Variants in OCA2 observed in about 807,000 individuals in gnomAD.
OCA2 encodes the protein P protein.
In OCA2, 77 loss-of-function variants were observed where a neutral mutation model predicts 100.2. The ratio of observed to expected loss-of-function variants is 0.77; its 90% CI spans 0.64 to 0.93. The LOEUF (loss-of-function observed/expected upper bound fraction) is 0.93, where lower values mean the gene tolerates loss of function less well. Ranked by LOEUF, OCA2 falls within the 40% of genes least tolerant of loss-of-function variation. The pLI, the probability that OCA2 is intolerant of heterozygous loss-of-function variation, is 0.00. For synonymous variants in OCA2, 432 were observed against 439.2 expected (o/e 0.98, Z 0.21); for missense variants, 1,062 against 1,089.1 (o/e 0.98, Z 0.35).
chr15:27,720,910 G>A, the OCA2 span, among the ~76,000 whole-genome samples: 6 of 152,066 alleles, frequency 3.9e-5, no homozygotes, highest in South Asian at 2.1e-4. Context: ...AGGAGCATGC[G>A]AATCCTGAGG....
intron 2 of OCA2, among the ~76,000 whole-genome samples, chr15:28,068,073 A>G (rs150099691): frequency 6.6e-6 from 1 of 152,274 alleles, no homozygotes; most frequent in East Asian, 1.9e-4. Flanking sequence ...TATCCTTACT[A>G]TGTTATGCCC....
At chr15:27,914,485 A>C (rs1266398910) in intron 19 of OCA2, among the ~76,000 whole-genome samples, 1 of 152,004 alleles carries the variant, frequency 6.6e-6, no homozygotes, top group Non-Finnish European at 1.5e-5. Flanking sequence ...CCCAAAAGCT[A>C]CTTCAGCAGA....
In OCA2 at chr15:27,875,894, A is replaced by G. The variant is rs533172303; in HGVS notation, c.2080-3972T>C. ...TCTGACCTTGCTAAATTTATATATT[A>G]GTGCTGGTAGTACTGGATTTTTTGT... On this transcript the variant is annotated intron_variant, in intron 19 of 23. Transcript: ENST00000354638. Among the ~76,000 whole-genome samples the G allele has an allele frequency of 4.6e-5, 7 of 152,180 alleles. No individual in the cohort carries two copies. The South Asian group carries it at 1.2e-3, about 27-fold the overall frequency.
At chr15:28,056,085 C>T (rs550277519) in intron 2 of OCA2, among the ~76,000 whole-genome samples, 1 of 152,038 alleles carries the variant, frequency 6.6e-6, no homozygotes, top group African/African-American at 2.4e-5. Context: ...AGCCTCGTGG[C>T]CCTGGGCTCT....
At chr15:27,793,492 T>G (rs1361692321) in intron 23 of OCA2, among the ~76,000 whole-genome samples, 1 of 151,884 alleles carries the variant, frequency 6.6e-6, no homozygotes, top group Non-Finnish European at 1.5e-5. Flanking sequence ...AAAAGAAAAA[T>G]GGTGATTCTT....
At chr15:27,796,414 A>G (rs1264300685) in intron 23 of OCA2, among the ~76,000 whole-genome samples, 1 of 152,256 alleles carries the variant, frequency 6.6e-6, no homozygotes, top group Non-Finnish European at 1.5e-5. Flanking sequence ...CAGGATGCCC[A>G]GGAGACCTGC....
At chr15:28,082,671 G>A (rs1156426807) in intron 1 of OCA2, among the ~76,000 whole-genome samples, 1 of 152,180 alleles carries the variant, frequency 6.6e-6, no homozygotes, top group Admixed American at 6.5e-5. Context: ...AAATAAATAT[G>A]TATAAATTAC....
At chr15:28,036,818 G>A (rs1595863088) in intron 2 of OCA2, among the ~76,000 whole-genome samples, 1 of 152,300 alleles carries the variant, frequency 6.6e-6, no homozygotes, top group East Asian at 1.9e-4. Flanking sequence ...ACAGCTTGGG[G>A]AGGTGGTGAT....
chr15:27,996,137 G>A (rs2041719988), intron 9 of OCA2, among the ~76,000 whole-genome samples: 1 of 152,068 alleles, frequency 6.6e-6, no homozygotes, highest in African/African-American at 2.4e-5. Context: ...CAACCAATGT[G>A]TCATAAAAGA....
chr15:28,081,149 G>A (rs956721092), intron 2 of OCA2, among the ~76,000 whole-genome samples: 2 of 152,114 alleles, frequency 1.3e-5, no homozygotes, highest in East Asian at 1.9e-4. Context: ...CTGACTACCC[G>A]GGTGATCAGT....
chr15:27,745,487 C>T, the OCA2 span, among the ~76,000 whole-genome samples: 1 of 152,132 alleles, frequency 6.6e-6, no homozygotes, highest in African/African-American at 2.4e-5. Context: ...AAACCTCTAG[C>T]GGCTAGAAAT....
In OCA2 at chr15:27,913,883, G is replaced by GAAAGAA. The variant is rs1567098170; in HGVS notation, c.2079+12238_2079+12243dup. ...AGAAAGAAAGAAAGAAAGAAAGAAA[G>GAAAGAA]AAAGAAAGAAAGCAAGCAAGCAAGC... On this transcript the variant is annotated intron_variant, in intron 19 of 23. Coordinates refer to ENST00000354638, the MANE Select transcript of OCA2 (RefSeq NM_000275.3). Among the ~76,000 whole-genome samples the GAAAGAA allele has an allele frequency of 8.7e-4, 46 of 52,694 alleles. 1 individual carries two copies. Among genetic ancestry groups the GAAAGAA allele is most frequent in the East Asian group, 3.3e-3 (1 of 304 alleles). The allele number at this position is 52,694 out of a possible 152,430, so 34.6% of individuals were successfully genotyped here.
chr15:27,775,416 G>A (rs1651018378), intron 23 of OCA2, among the ~76,000 whole-genome samples: 1 of 152,140 alleles, frequency 6.6e-6, no homozygotes, highest in Admixed American at 6.5e-5. Flanking sequence ...TATGGAGATG[G>A]TATTAAAATC....
rs1186490350 is a variant in OCA2, at chr15:27,951,864, G to A, written c.1871C>T (p.Ala624Val). The change falls in exon 18 of 24, where the codon GCC (alanine) becomes GTC (valine). Residue 624 changes from alanine (A) to valine (V), a missense_variant. Transcript: ENST00000354638. ...AAATCCCAACACTGTCAGGCATTTG[G>A]CGAGCAGAATCCCGTCAGATATCCT... ...KHRISDGILL[A>V]KCLTVLGFVI... 1.9e-6 allele frequency: 3 copies of A among 1,613,856 alleles called. No homozygotes were observed. Among genetic ancestry groups the A allele is most frequent in the South Asian group, 2.2e-5 (2 of 91,062 alleles).
intron 1 of OCA2, among the ~76,000 whole-genome samples, chr15:28,082,423 G>C (rs562168286): frequency 1.3e-5 from 2 of 152,314 alleles, no homozygotes; most frequent in African/African-American, 4.8e-5. Flanking sequence ...GGGAAGGTCT[G>C]CAGCATCATT....
chr15:27,859,493 A>G (rs2036055917), intron 21 of OCA2, among the ~76,000 whole-genome samples: 1 of 152,234 alleles, frequency 6.6e-6, no homozygotes, highest in South Asian at 2.1e-4. Flanking sequence ...ATATTTGATT[A>G]GATCTGTAAC....
rs750047317 is a variant in OCA2, at chr15:27,951,829, T to A, written c.1906A>T (p.Met636Leu). 1 of 1,613,718 alleles carries A rather than the reference T, an allele frequency of 6.2e-7. No individual in the cohort carries two copies. The highest frequency in any genetic ancestry group is 8.5e-7 in the Non-Finnish European group (1 of 1,179,864). ...GGGACAAACGAATTGAGGAAAAACATGAAGATAACAAATCCCAACACTGTC... is the reference window on the plus strand; with the variant it reads ...GGGACAAACGAATTGAGGAAAAACAAGAAGATAACAAATCCCAACACTGTC... ...CLTVLGFVIFMFFLNSFVPGI... is the reference protein window; with the variant it reads ...CLTVLGFVIFLFFLNSFVPGI... Residue 636 changes from methionine to leucine, a missense_variant, in exon 18 of 24, where the codon ATG (methionine) becomes TTG (leucine). By Grantham distance (15) the Met-to-Leu change is conservative. Coordinates refer to ENST00000354638, the MANE Select transcript of OCA2 (RefSeq NM_000275.3).
At chr15:27,835,788 G>A (rs147259494) in intron 23 of OCA2, among the ~76,000 whole-genome samples, 1 of 152,282 alleles carries the variant, frequency 6.6e-6, no homozygotes. Flanking sequence ...ACAGTGTGCT[G>A]GGTCGATCTT....
intron 2 of OCA2, among the ~76,000 whole-genome samples, chr15:28,077,060 GTT>G (rs1020481789): frequency 1.2e-4 from 16 of 131,062 alleles, no homozygotes; most frequent in Non-Finnish European, 1.3e-4. Context: ...TGCTTAATTT[GTT>G]TTTTTTTTTT....
Sources: gnomAD v4.1 joint callset for allele counts (sites outside exome capture counted in the v4.1 genomes callset) on GRCh38, gnomAD v4.1.1 for gene constraint, MANE v1.5 for transcripts, NCBI Gene and HGNC (gene_info 2026-07-23, HGNC 2026-07-21) for gene names.